MLPH: variants seen among roughly 807,000 people sequenced by gnomAD.
The protein encoded by MLPH is exophilin-3.
A neutral mutation model predicts 72.1 loss-of-function variants in MLPH; 51 were observed. That is an observed-to-expected ratio of 0.71 (90% CI 0.56 to 0.89). The LOEUF (loss-of-function observed/expected upper bound fraction) is 0.89. MLPH is among the 40% of genes least tolerant of loss of function. The pLI, the probability that MLPH is intolerant of heterozygous loss-of-function variation, is 0.00. For synonymous variants in MLPH, 301 were observed against 310.1 expected, an observed-to-expected ratio of 0.97 and a Z score of 0.31; for missense variants, 743 against 759.9, an observed-to-expected ratio of 0.98 and a Z score of 0.26.
chr2:237,525,652 G>C lies in MLPH; in HGVS notation c.727G>C (p.Gly243Arg), dbSNP rs1348634876. Reference protein sequence around the residue: ...SEKAAPHKAEGLEEADTGASG... With the variant: ...SEKAAPHKAERLEEADTGASG... ...GAAGGCAGCCCCTCACAAGGCTGAGGGCCTGGAGGAGGCTGATACTGGGGC... is the reference window on the plus strand; with the variant it reads ...GAAGGCAGCCCCTCACAAGGCTGAGCGCCTGGAGGAGGCTGATACTGGGGC... Residue 243 changes from glycine (G) to arginine (R), a missense_variant, in exon 7 of 16, where the codon GGC becomes CGC. By Grantham distance (125) the Gly-to-Arg change is moderately radical. Transcript: ENST00000264605. 1 of 1,614,126 alleles carries C rather than the reference G, an allele frequency of 6.2e-7. No homozygotes were observed. Among genetic ancestry groups the C allele is most frequent in the Admixed American group, 1.7e-5 (1 of 60,018 alleles).
In MLPH at chr2:237,510,186, C is replaced by G. The variant is rs1009723572; in HGVS notation, c.111-388C>G. Reference sequence around the variant, plus strand: ...ACTCTTGCCCCCCTGCTGAAGGAGACCAAAACAATGCTTGATCAGGAAACA... The same window carrying G: ...ACTCTTGCCCCCCTGCTGAAGGAGAGCAAAACAATGCTTGATCAGGAAACA... On this transcript the variant is annotated intron_variant, in intron 2 of 15. Transcript: ENST00000264605. The surrounding 1 kb of genome is among the most constrained non-coding windows in gnomAD (Gnocchi z 4.4). 1 of 329,402 alleles carries G rather than the reference C, an allele frequency of 3.0e-6. No individual in the cohort carries two copies. Among genetic ancestry groups the G allele is most frequent in the Non-Finnish European group, 5.9e-6 (1 of 170,506 alleles). 20.4% of individuals were successfully genotyped at this position (329,402 alleles called of 1,614,324 possible). A position where few individuals can be genotyped will look rare whatever the true frequency, so the allele number is the denominator to read the frequency against.
At chr2:237,509,767 C>T (rs1296619420) in intron 2 of MLPH, among the ~76,000 whole-genome samples, 1 of 152,072 alleles carries the variant, frequency 6.6e-6, no homozygotes, top group Non-Finnish European at 1.5e-5. Context: ...CCTCCCCCTG[C>T]CTGGTGGGAC....
In MLPH at chr2:237,549,129, G is replaced by C. The variant is rs1050487183; in HGVS notation, c.1618-92G>C. The C allele has an allele frequency of 2.0e-5, 23 of 1,177,696 alleles. No homozygotes were observed. The African/African-American group carries it at 3.0e-4, about 15-fold the overall frequency. The allele number at this position is 1,177,696 out of a possible 1,614,324, so 73.0% of individuals were successfully genotyped here. On this transcript the variant is annotated intron_variant, in intron 13 of 15. Transcript: ENST00000264605. ...AGAAAATAGTGGCCATGGTTAATTA[G>C]AAGCTGGAAGAACAATAAGAAATCC...
At chr2:237,511,206 A>G (rs949048094) in intron 4 of MLPH, 105 bp downstream of exon 4, 1 of 853,808 alleles carries the variant, frequency 1.2e-6, no homozygotes, top group Non-Finnish European at 2.0e-6. Context: ...GTGTGTGTGC[A>G]TGTGTGTGTG....
chr2:237,546,271 G>C, intron 12 of MLPH: 1 of 384,658 alleles, frequency 2.6e-6, no homozygotes, highest in Non-Finnish European at 5.0e-6. Context: ...AGCCTCAGGG[G>C]GATGACTGTG....
At chr2:237,513,005 C>A (rs1182213458) in intron 4 of MLPH, among the ~76,000 whole-genome samples, 1 of 152,004 alleles carries the variant, frequency 6.6e-6, no homozygotes, top group Non-Finnish European at 1.5e-5. Flanking sequence ...CCCCCAAGCG[C>A]CCACAGGGGC....
chr2:237,545,236 GC>G lies in MLPH; in HGVS notation c.1540-1369del, dbSNP rs555435546. ...GTGAGTGGGGACAGTGGTGAGTGGG[GC>G]ACAGTGGTGAGTGAGGGGAACACAG... On this transcript the variant is annotated intron_variant, in intron 12 of 15. Transcript: ENST00000264605. Among the ~76,000 whole-genome samples, 226 of 138,730 alleles carry G rather than the reference GC, an allele frequency of 1.6e-3. 3 individuals are homozygous for G. The highest frequency in any genetic ancestry group is 4.3e-3 in the African/African-American group (139 of 31,964). The allele number at this position is 138,730 out of a possible 152,430, so 91.0% of individuals were successfully genotyped here.
At chr2:237,495,004 G>A (rs1481429756) in intron 2 of MLPH, among the ~76,000 whole-genome samples, 2 of 152,182 alleles carry the variant, frequency 1.3e-5, no homozygotes, top group Non-Finnish European at 2.9e-5. Context: ...GGAGGCTGGA[G>A]GGAGGACCCA....
At chr2:237,501,938 ATCT>A (rs2079660521) in intron 2 of MLPH, among the ~76,000 whole-genome samples, 1 of 152,192 alleles carries the variant, frequency 6.6e-6, no homozygotes, top group Non-Finnish European at 1.5e-5. Flanking sequence ...TGCTTGCTGT[ATCT>A]TTTAAGTCTC....
intron 9 of MLPH, among the ~76,000 whole-genome samples, chr2:237,538,171 G>A (rs2080579426): frequency 6.6e-6 from 1 of 152,206 alleles, no homozygotes; most frequent in African/African-American, 2.4e-5. Context: ...TGTGGGGTTT[G>A]CATTCCATCT....
intron 1 of MLPH, among the ~76,000 whole-genome samples, chr2:237,492,561 C>A (rs1303244226): frequency 6.6e-6 from 1 of 152,114 alleles, no homozygotes; most frequent in African/African-American, 2.4e-5. Flanking sequence ...TCCTAATACA[C>A]CCCAGGCATG....
At chr2:237,494,447 C>T (rs545326466) in intron 2 of MLPH, among the ~76,000 whole-genome samples, 2 of 152,266 alleles carry the variant, frequency 1.3e-5, no homozygotes, top group African/African-American at 4.8e-5. Context: ...TCCTGTAGAG[C>T]TTCACAGGGC....
At chr2:237,496,299 G>A (rs1485028495) in intron 2 of MLPH, among the ~76,000 whole-genome samples, 1 of 152,166 alleles carries the variant, frequency 6.6e-6, no homozygotes, top group African/African-American at 2.4e-5. Context: ...GTGGGGCCTG[G>A]GGGTCCCGGA....
chr2:237,511,099 G>A lies in MLPH; in HGVS notation c.443G>A (p.Gly148Glu), dbSNP rs1406869048. The change falls in exon 4 of 16, where the codon GGA (glycine) becomes GAA (glutamate). Residue 148 changes from glycine to glutamate, a missense_variant and splice_region_variant. Physicochemically the swap from Gly to Glu is moderately conservative, Grantham distance 98. Transcript: ENST00000264605. The stretch of plus-strand genomic sequence containing the variant: ...TCCCTCCACGGGCGGCTGCAGGGTG[G>A]AGGTAAGGAGTGGAGAGTAAGAACG... ...IRSLHGRLQGGAGPELISEER... is the reference protein window; with the variant it reads ...IRSLHGRLQGEAGPELISEER... 1 of 1,613,022 alleles carries A rather than the reference G, an allele frequency of 6.2e-7. No individual in the cohort carries two copies. The highest frequency in any genetic ancestry group is 1.7e-5 in the Admixed American group (1 of 59,992).
chr2:237,530,407 C>T (rs933691504), intron 8 of MLPH, among the ~76,000 whole-genome samples: 1 of 152,234 alleles, frequency 6.6e-6, no homozygotes, highest in Non-Finnish European at 1.5e-5. Flanking sequence ...CAAAAAGAGA[C>T]TTCCTTAGCA....
intron 8 of MLPH, among the ~76,000 whole-genome samples, chr2:237,530,818 C>T (rs1417323051): frequency 1.3e-5 from 2 of 152,224 alleles, no homozygotes; most frequent in Non-Finnish European, 2.9e-5. Flanking sequence ...TGGCTTGGCC[C>T]CTGCAGTTTC....
At chr2:237,509,359 C>A (rs1559343444) in intron 2 of MLPH, among the ~76,000 whole-genome samples, 1 of 152,152 alleles carries the variant, frequency 6.6e-6, no homozygotes, top group African/African-American at 2.4e-5. Context: ...TGCTGGCCCT[C>A]AGGGTACCGT....
intron 4 of MLPH, 25 bp from the exon 5 acceptor site, chr2:237,518,514 G>A (rs1443425655): frequency 7.6e-6 from 12 of 1,581,902 alleles, no homozygotes; most frequent in East Asian, 2.2e-5. Flanking sequence ...GTCCTTGGGT[G>A]GAGTCATGCA....
chr2:237,507,559 C>T (rs1394139433), intron 2 of MLPH, among the ~76,000 whole-genome samples: 1 of 152,202 alleles, frequency 6.6e-6, no homozygotes, highest in Non-Finnish European at 1.5e-5. Context: ...GCAGACTTCT[C>T]AAATGTTGAC....
Sources: gnomAD v4.1 joint callset for allele counts (sites outside exome capture counted in the v4.1 genomes callset) on GRCh38, gnomAD v4.1.1 for gene constraint, Gnocchi (gnomAD v3.1) non-coding constraint, MANE v1.5 for transcripts, NCBI Gene and HGNC (gene_info 2026-07-23, HGNC 2026-07-21) for gene names.